SFXN2: variants seen among roughly 807,000 people sequenced by gnomAD.
The protein encoded by SFXN2 is sideroflexin-2.
SFXN2 carries 37 observed loss-of-function variants against 41.9 expected under a neutral mutation model. The observed-to-expected ratio is 0.88, with a 90% CI of 0.68 to 1.16. The LOEUF is 1.16. SFXN2 is among the 50% of genes most tolerant of loss of function. The probability of loss-of-function intolerance (pLI) is 0.00; values close to 1 mark genes in which losing one functional copy is unlikely to be tolerated. For missense variants in SFXN2, 386 were observed against 425.2 expected, an observed-to-expected ratio of 0.91 and a Z score of 0.81; for synonymous variants, 150 against 156.7, an observed-to-expected ratio of 0.96 and a Z score of 0.32.
In SFXN2 at chr10:102,740,253, C is replaced by T. The variant is rs533572114; in HGVS notation, c.*2491C>T. 1 of 152,314 alleles carries T rather than the reference C, an allele frequency of 6.6e-6. No homozygotes were observed. The highest frequency in any genetic ancestry group is 2.1e-4 in the South Asian group (1 of 4,826). 9.4% of individuals were successfully genotyped at this position (152,314 alleles called of 1,614,324 possible). A position where few individuals can be genotyped will look rare whatever the true frequency, so the allele number is the denominator to read the frequency against. On this transcript the variant is annotated 3_prime_UTR_variant, in exon 12 of 12. Transcript: ENST00000369893. ...GTTGTACAAGCATCACCACTAATTCCAGAATTATTTTGAGACAGGATCTCA... is the reference window on the plus strand; with the variant it reads ...GTTGTACAAGCATCACCACTAATTCTAGAATTATTTTGAGACAGGATCTCA...
At chr10:102,728,723 T>G (rs2064650519) in intron 4 of SFXN2, 194 bp downstream of exon 4, 1 of 573,146 alleles carries the variant, frequency 1.7e-6, no homozygotes, top group Admixed American at 3.0e-5. Context: ...CCAAATGTGT[T>G]TATTCATTCA....
chr10:102,729,834 T>G (rs1477748076), intron 6 of SFXN2, 26 bp downstream of exon 6: 42 of 1,611,686 alleles, frequency 2.6e-5, no homozygotes, highest in Non-Finnish European at 3.5e-5. Flanking sequence ...TTTTTCTCCC[T>G]ACAAACCACA....
rs2064664167 is a variant in SFXN2, at chr10:102,729,363, C to G, written c.476C>G (p.Ala159Gly). ...SYFTATTTAVATAVGMNMLTK... is the reference protein window; with the variant it reads ...SYFTATTTAVGTAVGMNMLTK... ...TTCACAGCCACAACCACTGCTGTGG[C>G]CACGGCTGTGGGCATGAACATGTTG... Residue 159 changes from alanine to glycine, a missense_variant, in exon 5 of 12, where the codon GCC becomes GGC. Physicochemically the swap from Ala to Gly is moderately conservative, Grantham distance 60. Coordinates refer to ENST00000369893, the MANE Select transcript of SFXN2 (RefSeq NM_178858.6). 3 of 1,614,078 alleles carry G rather than the reference C, an allele frequency of 1.9e-6. No individual in the cohort carries two copies. Among genetic ancestry groups the G allele is most frequent in the Non-Finnish European group, 2.5e-6 (3 of 1,180,038 alleles).
Position 102,726,708 on chromosome 10 carries a change from G to A in SFXN2, c.72G>A (p.Val24=), listed in dbSNP as rs1395249989. 2 of 1,614,098 alleles carry A rather than the reference G, an allele frequency of 1.2e-6. No individual in the cohort carries two copies. Among genetic ancestry groups the A allele is most frequent in the Non-Finnish European group, 1.7e-6 (2 of 1,180,050 alleles). The stretch of plus-strand genomic sequence containing the variant: ...ACCAGCGCACCTTCCTGGGGAGAGT[G>A]AAGCACTTCCTAAACATCACGGACC... ...RWDQRTFLGR[V]KHFLNITDPR... The change falls in exon 2 of 12, where the codon GTG becomes GTA. Residue 24 remains valine, a synonymous_variant. Coordinates refer to ENST00000369893, the MANE Select transcript of SFXN2 (RefSeq NM_178858.6).
rs2064823399 is a variant in SFXN2 at position 102,739,490 on chromosome 10, T to TAAAAGAGTTG, written c.*1728_*1729insAAAAGAGTTG. 3 of 52,534 alleles carry TAAAAGAGTTG rather than the reference T, an allele frequency of 5.7e-5. No homozygotes were observed. In the South Asian group the frequency reaches 1.7e-3, roughly 29 times the overall value. 3.3% of individuals were successfully genotyped at this position (52,534 alleles called of 1,614,324 possible). On this transcript the variant is annotated 3_prime_UTR_variant, in exon 12 of 12. Transcript: ENST00000369893. ...GGAAGCTAAGAATGTTTTTACATTT[T>TAAAAGAGTTG]TAAAGAGTTGTAAAAGGGAACAACA...
At position 102,739,794 on chromosome 10, in the gene SFXN2, T is replaced by G. The variant is rs1404696740; in HGVS notation, c.*2032T>G. 1 of 151,894 alleles carries G rather than the reference T, an allele frequency of 6.6e-6. No individual in the cohort carries two copies. The highest frequency in any genetic ancestry group is 1.5e-5 in the Non-Finnish European group (1 of 68,030). The allele number at this position is 151,894 out of a possible 1,614,324, so 9.4% of individuals were successfully genotyped here. ...TGGGTGTGGTGGCATACACCTGTAA[T>G]CCCAGCTACTCGGGGGGCTGAGACT... On this transcript the variant is annotated 3_prime_UTR_variant, in exon 12 of 12. Coordinates refer to ENST00000369893, the MANE Select transcript of SFXN2 (RefSeq NM_178858.6).
At chr10:102,715,721 G>A (rs2064400544) in intron 1 of SFXN2, among the ~76,000 whole-genome samples, 1 of 152,104 alleles carries the variant, frequency 6.6e-6, no homozygotes, top group African/African-American at 2.4e-5. Context: ...GGAAGGGGAG[G>A]AAGGCTTGAG....
chr10:102,727,316 C>A (rs1362094070), intron 3 of SFXN2, among the ~76,000 whole-genome samples, 159 bp downstream of exon 3: 1 of 152,168 alleles, frequency 6.6e-6, no homozygotes, highest in African/African-American at 2.4e-5. Context: ...TTAACCCTCG[C>A]AACAACCCTA....
At chr10:102,729,882 G>T (rs1243658013) in intron 6 of SFXN2, 74 bp downstream of exon 6, 1 of 1,545,026 alleles carries the variant, frequency 6.5e-7, no homozygotes, top group Non-Finnish European at 8.9e-7. Context: ...AAAGCAGTGG[G>T]TGGCTTCTGG....
intron 8 of SFXN2, 29 bp downstream of exon 8, chr10:102,732,247 G>T (rs1164753151): frequency 6.2e-7 from 1 of 1,605,710 alleles, no homozygotes; most frequent in African/African-American, 1.3e-5. Flanking sequence ...TCCATCCTGG[G>T]GAAGCCTGTG....
chr10:102,722,062 C>G (rs1057216192), intron 1 of SFXN2, among the ~76,000 whole-genome samples: 13 of 152,170 alleles, frequency 8.5e-5, no homozygotes, highest in Non-Finnish European at 1.8e-4. Flanking sequence ...GAGGTCCATC[C>G]ACATCCTGTT....
intron 11 of SFXN2, 75 bp from the exon 12 acceptor site, chr10:102,737,588 G>T: frequency 1.1e-6 from 1 of 916,920 alleles, no homozygotes. Flanking sequence ...GGGCTTCTTG[G>T]AGGTGATATT....
Position 102,734,341 on chromosome 10 carries a change from G to C in SFXN2, c.821+738G>C, listed in dbSNP as rs376209097. ...CGTTCACCATGCATTTCAGGGCCAC[G>C]AGACTAATGACAGCATCACTAACAG... is the stretch of plus-strand genomic sequence containing the variant. On this transcript the variant is annotated intron_variant, in intron 10 of 11. Transcript: ENST00000369893. This position sits in a 1 kb window ranked among gnomAD's most constrained non-coding sequence, Gnocchi z 4.1. Among the ~76,000 whole-genome samples, 3 of 152,108 alleles carry C rather than the reference G, an allele frequency of 2.0e-5. No homozygotes were observed. Among genetic ancestry groups the C allele is most frequent in the Non-Finnish European group, 2.9e-5 (2 of 68,018 alleles).
At position 102,715,821 on chromosome 10, in the gene SFXN2, A is replaced by C. The variant is rs151203917; in HGVS notation, c.-26+1140A>C. ...TTTAATTAGCCAGGTTCCGTGGCGCACTTGTAGTCCTAGCTACTCGGGAGG... is the reference window on the plus strand; with the variant it reads ...TTTAATTAGCCAGGTTCCGTGGCGCCCTTGTAGTCCTAGCTACTCGGGAGG... On this transcript the variant is annotated intron_variant, in intron 1 of 11. Transcript: ENST00000369893. 2.1e-3 allele frequency among the ~76,000 whole-genome samples: 315 copies of C among 151,218 alleles called. 3 individuals are homozygous for C. Among genetic ancestry groups the C allele is most frequent in the African/African-American group, 7.5e-3 (309 of 41,172 alleles).
In SFXN2 at chr10:102,728,522, T is replaced by C. The variant is rs1808711997; in HGVS notation, c.424T>C (p.Ser142Pro). 6.2e-7 allele frequency: 1 copy of C among 1,613,572 alleles called. No homozygotes were observed. The highest frequency in any genetic ancestry group is 1.3e-5 in the African/African-American group (1 of 74,882). Reference sequence around the variant, plus strand: ...CAACAGGAATGCGGCTTCCCCCACATCAGTCAGGTAGGAGACCTGAACCCC... The same window carrying C: ...CAACAGGAATGCGGCTTCCCCCACACCAGTCAGGTAGGAGACCTGAACCCC... ...YTNRNAASPT[S>P]VRQMALSYFT... The change falls in exon 4 of 12, where the codon TCA becomes CCA. Residue 142 changes from serine to proline, a missense_variant. Physicochemically the swap from Ser to Pro is moderately conservative, Grantham distance 74. Coordinates refer to ENST00000369893, the MANE Select transcript of SFXN2 (RefSeq NM_178858.6).
chr10:102,724,646 G>A (rs1022038150), intron 1 of SFXN2, among the ~76,000 whole-genome samples: 1 of 151,980 alleles, frequency 6.6e-6, no homozygotes, highest in African/African-American at 2.4e-5. Context: ...AGGTTGAAGT[G>A]AGCCGAGATC....
At chr10:102,720,083 G>A (rs573136189) in intron 1 of SFXN2, among the ~76,000 whole-genome samples, 2 of 152,204 alleles carry the variant, frequency 1.3e-5, no homozygotes, top group South Asian at 4.1e-4. Flanking sequence ...ACGAGGTCAG[G>A]AGATCGAGAC....
In SFXN2 at chr10:102,729,728, G is replaced by C; in HGVS notation, c.513G>C (p.Ala171=). ...CTGTTCTCTTCCCCCAACAGAAAGC[G>C]CCGCCCTTGGTGGGCCGCTGGGTGC... ...AVGMNMLTKK[A]PPLVGRWVPF... is the part of the protein sequence containing the mutation. Residue 171 remains alanine (A), a synonymous_variant, in exon 6 of 12, where the codon GCG becomes GCC. Transcript: ENST00000369893. 6.2e-7 allele frequency: 1 copy of C among 1,613,854 alleles called. No homozygotes were observed. The highest frequency in any genetic ancestry group is 8.5e-7 in the Non-Finnish European group (1 of 1,180,026).
At chr10:102,715,799 A>T (rs1486502090) in intron 1 of SFXN2, among the ~76,000 whole-genome samples, 2 of 151,584 alleles carry the variant, frequency 1.3e-5, no homozygotes, top group African/African-American at 4.9e-5. Flanking sequence ...AATTTTTTTT[A>T]ATTAGCCAGG....
Sources: gnomAD v4.1 joint callset for allele counts (sites outside exome capture counted in the v4.1 genomes callset) on GRCh38, gnomAD v4.1.1 for gene constraint, Gnocchi (gnomAD v3.1) non-coding constraint, MANE v1.5 for transcripts, NCBI Gene and HGNC (gene_info 2026-07-23, HGNC 2026-07-21) for gene names.